The following HMCN2 variants were observed in gnomAD, a reference collection of about 807,000 sequenced individuals.
HMCN2 encodes hemicentin-2.
HMCN2 carries 325 observed loss-of-function variants against 377.5 expected under a neutral mutation model. The observed-to-expected ratio is 0.86, with a 90% CI of 0.79 to 0.94. The LOEUF (loss-of-function observed/expected upper bound fraction) is 0.94. Among genes scored for constraint, HMCN2 ranks in the 40% least tolerant of loss-of-function variants. HMCN2 has a pLI of 0.00. For synonymous variants in HMCN2, 2,007 were observed against 2,046.8 expected (o/e 0.98, Z 0.53); for missense variants, 4,543 against 4,725.3 (o/e 0.96, Z 1.13).
At chr9:130,385,320 G>T (rs1841963529) in intron 59 of HMCN2, among the ~76,000 whole-genome samples, 1 of 152,130 alleles carries the variant, frequency 6.6e-6, no homozygotes, top group South Asian at 2.1e-4. Flanking sequence ...GCGGGCGACA[G>T]CATCTCCCCC....
intron 14 of HMCN2, among the ~76,000 whole-genome samples, chr9:130,309,044 T>A (rs915530274): frequency 3.9e-5 from 6 of 152,266 alleles, no homozygotes; most frequent in Non-Finnish European, 8.8e-5. Flanking sequence ...ACAGTGTGAA[T>A]GCACTGGATG....
rs1842306400 is a variant in HMCN2, at chr9:130,391,245, C to T, written c.9709C>T (p.His3237Tyr). The T allele has an allele frequency of 3.0e-6, 3 of 987,752 alleles. No individual in the cohort carries two copies. The highest frequency in any genetic ancestry group is 2.4e-6 in the Non-Finnish European group (2 of 830,140). The allele number at this position is 987,752 out of a possible 1,614,324, so 61.2% of individuals were successfully genotyped here. The stretch of plus-strand genomic sequence containing the variant: ...GAGCTCGGGCGTGGCGCGGGAGCAC[C>T]ATGTCTTGGAAGGGCAGGAGGTGCG... Reference protein sequence around the residue: ...IRSSGVAREHHVLEGQEVRLD... With the variant: ...IRSSGVAREHYVLEGQEVRLD... The change falls in exon 64 of 98, where the codon CAT becomes TAT. Residue 3237 changes from histidine (H) to tyrosine (Y), a missense_variant. Transcript: ENST00000683500.
chr9:130,277,676 C>T (rs1415017535), intron 1 of HMCN2, among the ~76,000 whole-genome samples: 1 of 150,864 alleles, frequency 6.6e-6, no homozygotes, highest in Non-Finnish European at 1.5e-5. Flanking sequence ...GGTAACATCA[C>T]TATTACCACC....
intron 6 of HMCN2, among the ~76,000 whole-genome samples, chr9:130,296,135 A>G (rs1554931987): frequency 5.3e-5 from 8 of 152,136 alleles, no homozygotes; most frequent in Non-Finnish European, 1.2e-4. Context: ...GGGCCCTGCT[A>G]TAATCTACAG....
chr9:130,396,443 C>G (rs1418391934), intron 73 of HMCN2, 130 bp downstream of exon 73: 9 of 671,730 alleles, frequency 1.3e-5, no homozygotes, highest in Non-Finnish European at 1.9e-5. Flanking sequence ...TCTCAGAACA[C>G]AAGGACAGGC....
intron 8 of HMCN2, among the ~76,000 whole-genome samples, chr9:130,301,765 C>T (rs1159495981): frequency 3.3e-5 from 5 of 152,236 alleles, no homozygotes; most frequent in Non-Finnish European, 7.3e-5. Context: ...CTGCTGGGCT[C>T]CTCTGCTGGC....
intron 62 of HMCN2, among the ~76,000 whole-genome samples, chr9:130,388,756 G>C (rs945828688): frequency 1.3e-5 from 2 of 151,344 alleles, no homozygotes; most frequent in African/African-American, 4.9e-5. Flanking sequence ...TCCTGTGAGG[G>C]TTTGGAAGCT....
intron 1 of HMCN2, among the ~76,000 whole-genome samples, chr9:130,280,264 G>A (rs1835040506): frequency 6.7e-6 from 1 of 148,858 alleles, no homozygotes; most frequent in Non-Finnish European, 1.5e-5. Flanking sequence ...CCGGGTTCAC[G>A]CCATTCTCCT....
intron 85 of HMCN2, 104 bp downstream of exon 85, chr9:130,410,756 C>A: frequency 2.2e-6 from 2 of 916,572 alleles, no homozygotes; most frequent in East Asian, 2.6e-5. Flanking sequence ...ACTTGGAATT[C>A]TTTCATTAAT....
intron 22 of HMCN2, among the ~76,000 whole-genome samples, chr9:130,334,759 TTC>T (rs1179524224): frequency 0.6 from 82,024 of 135,796 alleles, 26,059 homozygotes; most frequent in Non-Finnish European, 0.72. Context: ...TCTCTCTCTC[TTC>T]TCTCTCTCTC....
chr9:130,431,443 C>T lies in HMCN2; in HGVS notation c.14724C>T (p.Cys4908=), dbSNP rs1421137133. Residue 4908 remains cysteine (C), a synonymous_variant, in exon 96 of 98, where the codon TGC becomes TGT. Coordinates refer to ENST00000683500, the MANE Select transcript of HMCN2 (RefSeq NM_001291815.2). The stretch of plus-strand genomic sequence containing the variant: ...CTGAGGGCAGCTACCAGTGCCTGTG[C>T]CCCGCCGGCTACCGTCTGCTCCCCA... ...RNTEGSYQCL[C]PAGYRLLPSG... 1 of 1,550,130 alleles carries T rather than the reference C, an allele frequency of 6.5e-7. No individual in the cohort carries two copies. Among genetic ancestry groups the T allele is most frequent in the Admixed American group, 2.0e-5 (1 of 51,000 alleles).
At chr9:130,355,663 C>A in intron 32 of HMCN2, 83 bp from the exon 33 acceptor site, 3 of 779,474 alleles carry the variant, frequency 3.8e-6, no homozygotes, top group South Asian at 1.4e-5. Context: ...CTGGGCCTCG[C>A]TTGGAAGGCT....
At chr9:130,405,728 G>A (rs143920623) in intron 81 of HMCN2, among the ~76,000 whole-genome samples, 5 of 152,344 alleles carry the variant, frequency 3.3e-5, no homozygotes, top group East Asian at 1.9e-4. Flanking sequence ...TGGCTATTGC[G>A]ATCATGCAGT....
At chr9:130,319,070 G>A (rs1032106964) in intron 15 of HMCN2, among the ~76,000 whole-genome samples, 3 of 152,190 alleles carry the variant, frequency 2.0e-5, no homozygotes, top group Admixed American at 2.0e-4. Flanking sequence ...AGCCTCTCTG[G>A]CCCAGGAGGA....
intron 43 of HMCN2, among the ~76,000 whole-genome samples, chr9:130,367,489 G>A (rs770791074): frequency 1.3e-5 from 2 of 152,136 alleles, no homozygotes; most frequent in Admixed American, 6.5e-5. Context: ...CCAGTAGGTC[G>A]AGGTTGACAA....
At chr9:130,419,123 C>G in intron 86 of HMCN2, 82 bp downstream of exon 86, 1 of 1,315,952 alleles carries the variant, frequency 7.6e-7, no homozygotes, top group Middle Eastern at 1.9e-4. Context: ...TTATGGGAGA[C>G]CTGTCCCCTG....
chr9:130,335,872 A>C (rs1401125236), intron 22 of HMCN2, among the ~76,000 whole-genome samples: 2 of 152,226 alleles, frequency 1.3e-5, no homozygotes, highest in African/African-American at 4.8e-5. Context: ...GCGGTTCCGC[A>C]GCCATTAGTA....
intron 4 of HMCN2, among the ~76,000 whole-genome samples, chr9:130,292,564 T>G (rs371103232): frequency 1.3e-3 from 203 of 152,346 alleles, no homozygotes; most frequent in African/African-American, 3.0e-3. Flanking sequence ...TCACTTCAGT[T>G]GTGGCAAGGG....
intron 4 of HMCN2, among the ~76,000 whole-genome samples, chr9:130,293,291 T>TTTTTTTTTTTTTTTC: frequency 7.0e-6 from 1 of 142,494 alleles, no homozygotes; most frequent in Non-Finnish European, 1.5e-5. Context: ...TTTTTTTTTT[T>TTTTTTTTTTTTTTTC]TTTTTTTTTG....
Sources: gnomAD v4.1 joint callset for allele counts (sites outside exome capture counted in the v4.1 genomes callset) on GRCh38, gnomAD v4.1.1 for gene constraint, MANE v1.5 for transcripts, NCBI Gene and HGNC (gene_info 2026-07-23, HGNC 2026-07-21) for gene names.